The following ASIC2 variants were observed in gnomAD, a reference collection of about 807,000 sequenced individuals.
ASIC2 encodes acid sensing ion channel subunit 2, also known as acid-sensing ion channel 2.
Under a neutral mutation model 57.3 loss-of-function variants are expected in ASIC2, and 25 were observed. The observed-to-expected ratio is 0.44, with a 90% CI of 0.32 to 0.61. The LOEUF (loss-of-function observed/expected upper bound fraction) is 0.61. Among genes scored for constraint, ASIC2 ranks in the 20% least tolerant of loss-of-function variants. ASIC2 has a pLI of 0.06. For missense variants in ASIC2, 641 were observed against 738.1 expected (o/e 0.87, Z 1.52); for synonymous variants, 319 against 307.5 (o/e 1.04, Z -0.39).
At chr17:33,372,917 G>A (rs186594636) in intron 1 of ASIC2, among the ~76,000 whole-genome samples, 3 of 152,292 alleles carry the variant, frequency 2.0e-5, no homozygotes, top group African/African-American at 4.8e-5. Context: ...CCTGTTACAG[G>A]AGAGTTCTCT....
intron 3 of ASIC2, among the ~76,000 whole-genome samples, chr17:33,065,528 G>A (rs2092040183): frequency 6.6e-6 from 1 of 152,078 alleles, no homozygotes; most frequent in South Asian, 2.1e-4. Flanking sequence ...TGTCGCCCAG[G>A]CTGGCCTCAA....
chr17:33,392,900 T>C (rs368003153), intron 1 of ASIC2, among the ~76,000 whole-genome samples: 7 of 152,334 alleles, frequency 4.6e-5, no homozygotes, highest in Middle Eastern at 3.4e-3. Context: ...GGTAACCTAG[T>C]CATCTTTGAT....
chr17:33,576,254 TG>T (rs1162696715), intron 1 of ASIC2, among the ~76,000 whole-genome samples: 1 of 152,150 alleles, frequency 6.6e-6, no homozygotes, highest in Admixed American at 6.5e-5. Flanking sequence ...TGTGTGCTGG[TG>T]AATGAAAAGA....
At chr17:33,833,965 A>G (rs1913192803) in intron 1 of ASIC2, 1 of 152,252 alleles carries the variant, frequency 6.6e-6, no homozygotes, top group African/African-American at 2.4e-5. Flanking sequence ...CAGGAGGCTG[A>G]GGTGAGAGGA....
At chr17:33,399,260 G>A (rs1839898972) in intron 1 of ASIC2, among the ~76,000 whole-genome samples, 1 of 152,258 alleles carries the variant, frequency 6.6e-6, no homozygotes, top group East Asian at 1.9e-4. Flanking sequence ...ACCCAAGATG[G>A]CATTACAAGG....
intron 3 of ASIC2, among the ~76,000 whole-genome samples, chr17:33,072,002 T>C (rs1279223252): frequency 6.6e-6 from 1 of 152,154 alleles, no homozygotes; most frequent in Non-Finnish European, 1.5e-5. Flanking sequence ...CAATGAGGAA[T>C]ATGCTGAATT....
intron 2 of ASIC2, among the ~76,000 whole-genome samples, chr17:33,095,380 T>G (rs1222280584): frequency 6.6e-6 from 1 of 152,162 alleles, no homozygotes; most frequent in African/African-American, 2.4e-5. Context: ...TGATCCCAAC[T>G]CCCTCTCTGT....
chr17:33,888,380 T>A (rs1914880118), intron 1 of ASIC2, among the ~76,000 whole-genome samples: 1 of 151,948 alleles, frequency 6.6e-6, no homozygotes, highest in Non-Finnish European at 1.5e-5. Context: ...TAGGAGCGAG[T>A]GGTTCCTGAG....
At chr17:33,928,717 G>C (rs1384116334) in intron 1 of ASIC2, among the ~76,000 whole-genome samples, 1 of 152,184 alleles carries the variant, frequency 6.6e-6, no homozygotes, top group Admixed American at 6.5e-5. Context: ...TCGAGGTGCA[G>C]GAGCCATGTG....
chr17:33,348,505 A>G (rs1908038939), intron 1 of ASIC2, among the ~76,000 whole-genome samples: 1 of 152,150 alleles, frequency 6.6e-6, no homozygotes, highest in Admixed American at 6.5e-5. Context: ...CAAGAACCTG[A>G]AAGGAATATT....
intron 1 of ASIC2, among the ~76,000 whole-genome samples, chr17:33,345,316 G>A (rs1052459040): frequency 7.2e-5 from 11 of 152,168 alleles, no homozygotes; most frequent in Non-Finnish European, 1.5e-4. Context: ...TATGATTCGA[G>A]GCACTGAGAA....
intron 1 of ASIC2, among the ~76,000 whole-genome samples, chr17:33,508,401 G>T (rs1439719507): frequency 6.6e-6 from 1 of 152,192 alleles, no homozygotes; most frequent in East Asian, 1.9e-4. Flanking sequence ...CACTGTGTGG[G>T]CAGTGTGACA....
intron 1 of ASIC2, among the ~76,000 whole-genome samples, chr17:33,523,952 T>C (rs772575611): frequency 3.3e-5 from 5 of 152,200 alleles, no homozygotes; most frequent in Admixed American, 6.5e-5. Flanking sequence ...AATCTTGCTC[T>C]AAATCAACTC....
chr17:33,026,061 G>A, intron 4 of ASIC2, 79 bp from the exon 5 acceptor site: 1 of 1,521,552 alleles, frequency 6.6e-7, no homozygotes, highest in Non-Finnish European at 9.0e-7. Flanking sequence ...TTTGGGCTTA[G>A]GGAAAGGGGT....
At chr17:33,674,389 T>A (rs1398744312) in intron 1 of ASIC2, among the ~76,000 whole-genome samples, 1 of 152,176 alleles carries the variant, frequency 6.6e-6, no homozygotes. Context: ...CCTAGGACAA[T>A]TTTTGTTGTT....
At chr17:34,150,866 G>T (rs1005153743) in intron 1 of ASIC2, among the ~76,000 whole-genome samples, 6 of 152,120 alleles carry the variant, frequency 3.9e-5, no homozygotes, top group Non-Finnish European at 7.4e-5. Flanking sequence ...TGTAATCCTA[G>T]CACTTTGGGA....
rs1905171495 is a variant in ASIC2, at chr17:33,161,867, T to G, written c.709-49800A>C. Reference sequence around the variant, plus strand: ...AGCCAGAATTCCTAGGTTTTTTTTTTTTTTTTTTTTTTTTTTTTTGCTTCA... The same window carrying G: ...AGCCAGAATTCCTAGGTTTTTTTTTGTTTTTTTTTTTTTTTTTTTGCTTCA... On this transcript the variant is annotated intron_variant, in intron 1 of 9. Transcript: ENST00000225823. 5.2e-5 allele frequency among the ~76,000 whole-genome samples: 4 copies of G among 77,372 alleles called. No homozygotes were observed. The South Asian group carries it at 2.1e-3, about 40-fold the overall frequency. 50.8% of individuals were successfully genotyped at this position (77,372 alleles called of 152,430 possible).
intron 1 of ASIC2, among the ~76,000 whole-genome samples, chr17:33,630,379 T>G (rs146156026): frequency 7.8e-4 from 119 of 152,288 alleles, no homozygotes; most frequent in African/African-American, 2.8e-3. Context: ...CTACTCAGCT[T>G]TCACGAACCA....
intron 1 of ASIC2, among the ~76,000 whole-genome samples, chr17:33,537,646 G>A (rs1915275178): frequency 6.6e-6 from 1 of 152,216 alleles, no homozygotes; most frequent in South Asian, 2.1e-4. Context: ...GTCAGCAGAT[G>A]CTCAGATCAT....
Sources: allele counts gnomAD v4.1 joint callset (sites outside exome capture counted in the v4.1 genomes callset), GRCh38; gene constraint gnomAD v4.1.1; transcripts MANE v1.5; gene names NCBI Gene and HGNC (gene_info 2026-07-23, HGNC 2026-07-21).